The following GNA12 variants were observed in gnomAD, a reference collection of about 807,000 sequenced individuals.
The protein encoded by GNA12 is guanine nucleotide-binding protein subunit alpha-12.
In GNA12, 9 loss-of-function variants were observed where a neutral mutation model predicts 26.0. The ratio of observed to expected loss-of-function variants is 0.35; its 90% CI spans 0.21 to 0.60. The LOEUF (loss-of-function observed/expected upper bound fraction) is 0.60. Ranked by LOEUF, GNA12 falls within the 20% of genes least tolerant of loss-of-function variation. The pLI, the probability that GNA12 is intolerant of heterozygous loss-of-function variation, is 0.78. For synonymous variants in GNA12, 264 were observed against 219.6 expected, an observed-to-expected ratio of 1.20 and a Z score of -1.79; for missense variants, 405 against 525.8, an observed-to-expected ratio of 0.77 and a Z score of 2.25.
chr7:2,814,699 A>G (rs993103328), intron 1 of GNA12, among the ~76,000 whole-genome samples: 4 of 148,992 alleles, frequency 2.7e-5, no homozygotes, highest in African/African-American at 1.0e-4. Context: ...AGGCTGGACC[A>G]GTCACCGTCC....
rs551454529 is a variant in GNA12, at chr7:2,728,781, C to G, written c.*2400G>C. The G allele has an allele frequency of 6.6e-6, 1 of 152,362 alleles. No homozygotes were observed. The highest frequency in any genetic ancestry group is 1.5e-5 in the Non-Finnish European group (1 of 68,048). 9.4% of individuals were successfully genotyped at this position (152,362 alleles called of 1,614,324 possible). Reference sequence around the variant, plus strand: ...GCAGAGTTTCCTTCTTCTCCAATTACAATGTGTTACAGAATTTGGAAGGGG... The same window carrying G: ...GCAGAGTTTCCTTCTTCTCCAATTAGAATGTGTTACAGAATTTGGAAGGGG... On this transcript the variant is annotated 3_prime_UTR_variant, in exon 4 of 4. Transcript: ENST00000275364.
chr7:2,815,062 G>C, intron 1 of GNA12: 1 of 1,457,216 alleles, frequency 6.9e-7, no homozygotes, highest in Non-Finnish European at 9.1e-7. Flanking sequence ...CCGCCACTGT[G>C]GCAGGCTCCG....
chr7:2,798,059 T>C lies in GNA12; in HGVS notation c.310-2916A>G, dbSNP rs570561203. On this transcript the variant is annotated intron_variant, in intron 1 of 3. Coordinates refer to ENST00000275364, the MANE Select transcript of GNA12 (RefSeq NM_007353.3). Reference sequence around the variant, plus strand: ...CTCATAATTAATGTGAAAGACTGAATGCTTTCCCTCCAACACTAGGAAAAG... The same window carrying C: ...CTCATAATTAATGTGAAAGACTGAACGCTTTCCCTCCAACACTAGGAAAAG... Among the ~76,000 whole-genome samples the C allele has an allele frequency of 4.3e-4, 65 of 152,330 alleles. 1 individual carries two copies. The highest frequency in any genetic ancestry group is 1.2e-3 in the African/African-American group (49 of 41,582).
At chr7:2,753,859 T>G (rs1251503617) in intron 2 of GNA12, among the ~76,000 whole-genome samples, 34 of 152,342 alleles carry the variant, frequency 2.2e-4, no homozygotes, top group Non-Finnish European at 5.9e-5. Flanking sequence ...CTCTTCTGGT[T>G]TAGGAACAAT....
At chr7:2,765,819 G>A (rs566220347) in intron 2 of GNA12, among the ~76,000 whole-genome samples, 27 of 151,740 alleles carry the variant, frequency 1.8e-4, no homozygotes, top group Non-Finnish European at 3.8e-4. Context: ...TAGTAGAGAT[G>A]GGGATTTCAC....
chr7:2,781,430 G>A (rs979828579), intron 2 of GNA12, among the ~76,000 whole-genome samples: 53 of 151,856 alleles, frequency 3.5e-4, no homozygotes, highest in African/African-American at 1.3e-3. Context: ...GTGTGTGTGT[G>A]TGTGTGTGTG....
At chr7:2,800,460 C>A (rs573696427) in intron 1 of GNA12, among the ~76,000 whole-genome samples, 3 of 152,184 alleles carry the variant, frequency 2.0e-5, no homozygotes, top group African/African-American at 7.2e-5. Flanking sequence ...TCCCAAAGCC[C>A]GTCTCCTGAC....
intron 2 of GNA12, among the ~76,000 whole-genome samples, chr7:2,755,048 T>G (rs968047810): frequency 6.6e-6 from 1 of 152,226 alleles, no homozygotes; most frequent in Non-Finnish European, 1.5e-5. Flanking sequence ...CCTTCTTCAC[T>G]GAGTTGCTTC....
At chr7:2,816,739 C>T (rs1248649973) in intron 1 of GNA12, among the ~76,000 whole-genome samples, 3 of 152,136 alleles carry the variant, frequency 2.0e-5, no homozygotes, top group Non-Finnish European at 2.9e-5. Context: ...ATTCACTGAA[C>T]ACCTACTCTG....
chr7:2,744,009 C>G (rs1790640568), intron 2 of GNA12, among the ~76,000 whole-genome samples: 1 of 152,234 alleles, frequency 6.6e-6, no homozygotes, highest in Admixed American at 6.5e-5. Flanking sequence ...ATTAGGTAAA[C>G]AAAGCAGCCG....
At chr7:2,746,526 G>C (rs1418727380) in intron 2 of GNA12, among the ~76,000 whole-genome samples, 1 of 151,548 alleles carries the variant, frequency 6.6e-6, no homozygotes, top group Non-Finnish European at 1.5e-5. Flanking sequence ...GCAGTGTGTA[G>C]AGGGAAATTT....
At chr7:2,781,390 T>C (rs992637801) in intron 2 of GNA12, among the ~76,000 whole-genome samples, 3 of 146,188 alleles carry the variant, frequency 2.1e-5, no homozygotes, top group Non-Finnish European at 4.5e-5. Context: ...ATTTGGTCTC[T>C]AATCCATTTC....
rs183421822 is a variant in GNA12 at position 2,814,924 on chromosome 7, G to A, written c.310-19781C>T. The A allele has an allele frequency of 2.0e-4, 318 of 1,592,792 alleles. 1 individual carries two copies. The highest frequency in any genetic ancestry group is 1.2e-3 in the Middle Eastern group (7 of 6,040). On this transcript the variant is annotated intron_variant, in intron 1 of 3. Transcript: ENST00000275364. ...AGGCACGGCCTGGGAAACATTCTCC[G>A]TTTCATTTCAAATGCCTACAATACA...
intron 2 of GNA12, among the ~76,000 whole-genome samples, chr7:2,738,231 A>C (rs1790308173): frequency 6.6e-6 from 1 of 152,110 alleles, no homozygotes; most frequent in Admixed American, 6.6e-5. Flanking sequence ...CCTGGCCAAC[A>C]TGGTGAAACC....
chr7:2,767,879 C>T lies in GNA12; in HGVS notation c.525+27049G>A, dbSNP rs184784681. Among the ~76,000 whole-genome samples, 261 of 152,232 alleles carry T rather than the reference C, an allele frequency of 1.7e-3. 2 individuals carry two copies. Among genetic ancestry groups the T allele is most frequent in the Non-Finnish European group, 2.5e-3 (173 of 68,016 alleles). On this transcript the variant is annotated intron_variant, in intron 2 of 3. Transcript: ENST00000275364. ...TTTTATTTTATTTTAGTTTTTGAGA[C>T]GGAGTCACTCTGTCACCCGGGCTGG...
intron 1 of GNA12, among the ~76,000 whole-genome samples, chr7:2,830,163 G>A (rs1054281048): frequency 1.3e-5 from 2 of 152,180 alleles, no homozygotes; most frequent in African/African-American, 2.4e-5. Flanking sequence ...AATGTTTAGG[G>A]TTGCAATGGC....
intron 2 of GNA12, among the ~76,000 whole-genome samples, chr7:2,754,037 T>C (rs1791169942): frequency 6.6e-6 from 1 of 152,230 alleles, no homozygotes; most frequent in South Asian, 2.1e-4. Context: ...TCAGCGTTAC[T>C]CTCTGCCAAA....
At chr7:2,745,663 A>C (rs1790729792) in intron 2 of GNA12, among the ~76,000 whole-genome samples, 1 of 152,234 alleles carries the variant, frequency 6.6e-6, no homozygotes, top group Admixed American at 6.5e-5. Context: ...AAATTCACAC[A>C]TAACAATATT....
chr7:2,764,763 A>T (rs1791733721), intron 2 of GNA12: 1 of 152,250 alleles, frequency 6.6e-6, no homozygotes, highest in South Asian at 2.1e-4. Context: ...CTGAAGCAGC[A>T]TCTGAAGTCC....
Sources: gnomAD v4.1 joint callset for allele counts (sites outside exome capture counted in the v4.1 genomes callset) on GRCh38, gnomAD v4.1.1 for gene constraint, MANE v1.5 for transcripts, NCBI Gene and HGNC (gene_info 2026-07-23, HGNC 2026-07-21) for gene names.